ZC3H18: variants seen among roughly 807,000 people sequenced by gnomAD.
The protein encoded by ZC3H18 is zinc finger CCCH-type containing 18.
A neutral mutation model predicts 106.1 loss-of-function variants in ZC3H18; 8 were observed. That is an observed-to-expected ratio of 0.08 (90% CI 0.04 to 0.14). The LOEUF (loss-of-function observed/expected upper bound fraction) is 0.14, where lower values mean the gene tolerates loss of function less well. ZC3H18 is among the 10% of genes least tolerant of loss of function. The pLI, the probability that ZC3H18 is intolerant of heterozygous loss-of-function variation, is 1.00. For missense variants in ZC3H18, 1,318 were observed against 1,278.4 expected (o/e 1.03, Z -0.47); for synonymous variants, 635 against 522.1 (o/e 1.22, Z -2.95).
chr16:88,582,379 C>T (rs562784000), intron 2 of ZC3H18, among the ~76,000 whole-genome samples: 120 of 152,126 alleles, frequency 7.9e-4, no homozygotes, highest in Non-Finnish European at 1.5e-3. Flanking sequence ...CATCCGCCAC[C>T]ACGGCCAGCT....
At position 88,577,233 on chromosome 16, in the gene ZC3H18, A is replaced by C; in HGVS notation, c.110A>C (p.Asp37Ala). The C allele has an allele frequency of 6.2e-7, 1 of 1,612,670 alleles. No homozygotes were observed. Among genetic ancestry groups the C allele is most frequent in the Non-Finnish European group, 8.5e-7 (1 of 1,179,542 alleles). Reference sequence around the variant, plus strand: ...CTGAGGGACAGCGGGTCCGATCAGGATTTGGACGGGGCGGGGGTGAGGGCT... The same window carrying C: ...CTGAGGGACAGCGGGTCCGATCAGGCTTTGGACGGGGCGGGGGTGAGGGCT... ...DILRDSGSDQ[D>A]LDGAGVRASD... The change falls in exon 2 of 18, where the codon GAT becomes GCT. Residue 37 changes from aspartate (D) to alanine (A), a missense_variant. This residue lies in a region of ZC3H18 where 346 missense variants were observed against 269.0 expected (regional missense o/e 1.29). Transcript: ENST00000301011.
At chr16:88,615,752 C>T (rs1376737882) in intron 8 of ZC3H18, among the ~76,000 whole-genome samples, 1 of 152,180 alleles carries the variant, frequency 6.6e-6, no homozygotes, top group Non-Finnish European at 1.5e-5. Context: ...ACTTTGGTGG[C>T]TTATGGGCAC....
At chr16:88,586,426 C>T (rs940749459) in intron 2 of ZC3H18, among the ~76,000 whole-genome samples, 174 bp from the exon 3 acceptor site, 1 of 152,178 alleles carries the variant, frequency 6.6e-6, no homozygotes, top group Non-Finnish European at 1.5e-5. Context: ...CGGGCACGCT[C>T]TGATCATCCC....
intron 3 of ZC3H18, 85 bp downstream of exon 3, chr16:88,586,769 C>T (rs1265575747): frequency 6.5e-6 from 7 of 1,078,198 alleles, no homozygotes; most frequent in Middle Eastern, 2.3e-4. Flanking sequence ...TTGCCAGGCC[C>T]TGCTCTGCTC....
At chr16:88,618,122 C>T (rs905845776) in intron 8 of ZC3H18, among the ~76,000 whole-genome samples, 1 of 152,072 alleles carries the variant, frequency 6.6e-6, no homozygotes, top group African/African-American at 2.4e-5. Context: ...TGAGTGAGGC[C>T]GCCTGGCCTT....
At chr16:88,593,364 C>T (rs973838957) in intron 3 of ZC3H18, among the ~76,000 whole-genome samples, 7 of 152,234 alleles carry the variant, frequency 4.6e-5, no homozygotes, top group Non-Finnish European at 1.5e-5. Flanking sequence ...GGACAGCTTG[C>T]ATCTGCTGGA....
intron 6 of ZC3H18, chr16:88,608,588 C>A (rs1905122907): frequency 6.2e-6 from 1 of 161,784 alleles, no homozygotes; most frequent in African/African-American, 2.4e-5. Context: ...CTCTCAAACT[C>A]CTGACCTCAG....
chr16:88,582,068 C>T (rs747740037), intron 2 of ZC3H18, among the ~76,000 whole-genome samples: 3 of 152,192 alleles, frequency 2.0e-5, no homozygotes, highest in Non-Finnish European at 4.4e-5. Flanking sequence ...GCCTCCTAGT[C>T]AGCCAGCAGC....
intron 1 of ZC3H18, 81 bp from the exon 2 acceptor site, chr16:88,577,029 C>T (rs748386587): frequency 1.4e-5 from 20 of 1,434,032 alleles, no homozygotes; most frequent in Non-Finnish European, 1.9e-5. Flanking sequence ...GGAAGTCCTG[C>T]TGCTTCAGGC....
intron 9 of ZC3H18, 98 bp from the exon 10 acceptor site, chr16:88,623,121 G>A: frequency 1.3e-6 from 2 of 1,500,648 alleles, no homozygotes; most frequent in South Asian, 1.3e-5. Context: ...GTGTAGCTGT[G>A]CGTCTGTGGG....
At chr16:88,571,107 G>A (rs1914378123) in intron 1 of ZC3H18, among the ~76,000 whole-genome samples, 1 of 152,194 alleles carries the variant, frequency 6.6e-6, no homozygotes, top group African/African-American at 2.4e-5. Context: ...TTGCCCCTTG[G>A]ATTAGGAGAT....
At chr16:88,615,248 G>A (rs1008519481) in intron 8 of ZC3H18, among the ~76,000 whole-genome samples, 2 of 150,314 alleles carry the variant, frequency 1.3e-5, no homozygotes, top group Admixed American at 6.6e-5. Flanking sequence ...CCCTCTGCCC[G>A]GACGGGCTGC....
At chr16:88,582,653 C>T (rs1376030675) in intron 2 of ZC3H18, among the ~76,000 whole-genome samples, 1 of 152,186 alleles carries the variant, frequency 6.6e-6, no homozygotes, top group Non-Finnish European at 1.5e-5. Flanking sequence ...GGCCCCGTAG[C>T]ATCAGTAGTA....
chr16:88,576,979 T>G, intron 1 of ZC3H18, 131 bp from the exon 2 acceptor site: 4 of 807,410 alleles, frequency 5.0e-6, no homozygotes, highest in East Asian at 2.8e-5. Flanking sequence ...CAGAGTGGAG[T>G]GTGGGATTTG....
intron 11 of ZC3H18, 134 bp from the exon 12 acceptor site, chr16:88,624,468 A>G: frequency 7.4e-7 from 1 of 1,343,376 alleles, no homozygotes; most frequent in Non-Finnish European, 1.0e-6. Flanking sequence ...AGCCGTGTCC[A>G]GGCACGAGCG....
At position 88,628,172 on chromosome 16, in the gene ZC3H18, T is replaced by C. The variant is rs1032101930; in HGVS notation, c.2469+53T>C. 6 of 1,588,186 alleles carry C rather than the reference T, an allele frequency of 3.8e-6. No individual in the cohort carries two copies. In the Admixed American group the frequency reaches 8.7e-5, roughly 23 times the overall value. ...GCCCCAGCGTCTAGGCCTGGGTCCA[T>C]CTGCTTCCTGAGACAGCTTCCTCCT... On this transcript the variant is annotated intron_variant, in intron 15 of 17. Coordinates refer to ENST00000301011, the MANE Select transcript of ZC3H18 (RefSeq NM_144604.4).
intron 4 of ZC3H18, 27 bp from the exon 5 acceptor site, chr16:88,598,593 A>C: frequency 6.3e-7 from 1 of 1,590,244 alleles, no homozygotes; most frequent in East Asian, 2.3e-5. Context: ...TTACTTTCTC[A>C]CCTTCTCCCT....
At position 88,599,892 on chromosome 16, in the gene ZC3H18, A is replaced by G; in HGVS notation, c.1032A>G (p.Glu344=). 2 of 1,614,234 alleles carry G rather than the reference A, an allele frequency of 1.2e-6. No homozygotes were observed. The highest frequency in any genetic ancestry group is 1.7e-6 in the Non-Finnish European group (2 of 1,180,044). Residue 344 remains glutamate, a synonymous_variant, in exon 6 of 18, where the codon GAA becomes GAG. Transcript: ENST00000301011. ...IGEDEREFDK[E]NEVFRDWNSR... is the part of the protein sequence containing the mutation. ...AAGACGAACGGGAATTTGACAAAGA[A>G]AATGAAGTTTTTCGAGATTGGAATT...
chr16:88,628,972 G>A, intron 16 of ZC3H18, 118 bp downstream of exon 16: 1 of 901,948 alleles, frequency 1.1e-6, no homozygotes. Context: ...GAGAACATCT[G>A]ACTTGCAGAT....
Sources: allele counts gnomAD v4.1 joint callset (sites outside exome capture counted in the v4.1 genomes callset), GRCh38; gene constraint gnomAD v4.1.1; regional missense constraint gnomAD v4.1.1; transcripts MANE v1.5; gene names NCBI Gene and HGNC (gene_info 2026-07-23, HGNC 2026-07-21).